TBC1D16: variants seen among roughly 807,000 people sequenced by gnomAD.
The protein encoded by TBC1D16 is TBC1 domain family member 16.
A neutral mutation model predicts 74.7 loss-of-function variants in TBC1D16; 58 were observed. The observed-to-expected ratio is 0.78, with a 90% CI of 0.63 to 0.97. The LOEUF (loss-of-function observed/expected upper bound fraction) is 0.97. Among genes scored for constraint, TBC1D16 ranks in the 50% least tolerant of loss-of-function variants. The pLI, the probability that TBC1D16 is intolerant of heterozygous loss-of-function variation, is 0.00. For missense variants in TBC1D16, 1,014 were observed against 1,079.5 expected (o/e 0.94, Z 0.85); for synonymous variants, 493 against 474.7 (o/e 1.04, Z -0.50).
In TBC1D16 at chr17:79,954,410, T is replaced by C. The variant is rs1013114686; in HGVS notation, c.780-1592A>G. On this transcript the variant is annotated intron_variant, in intron 3 of 11. Coordinates refer to ENST00000310924, the MANE Select transcript of TBC1D16 (RefSeq NM_019020.4). The surrounding 1 kb of genome is among the most constrained non-coding windows in gnomAD (Gnocchi z 5.5). ...TGGGCCTGGTGAGTGGCAGGTGGCC[T>C]TTCTTCCCCACCTGCCTAAGGAAGT... 2.0e-5 allele frequency among the ~76,000 whole-genome samples: 3 copies of C among 152,132 alleles called. No homozygotes were observed. The highest frequency in any genetic ancestry group is 7.2e-5 in the African/African-American group (3 of 41,426).
At chr17:80,024,185 GGCAGGACT>G (rs1049452805) in intron 1 of TBC1D16, among the ~76,000 whole-genome samples, 4 of 133,286 alleles carry the variant, frequency 3.0e-5, no homozygotes, top group Non-Finnish European at 3.4e-5. Flanking sequence ...CAGCCCACCA[GGCAGGACT>G]GCAGCGGGGC....
chr17:79,972,883 A>T lies in TBC1D16; in HGVS notation c.780-20065T>A, dbSNP rs186866892. ...GATCGCCTGAGCTTAGGAGTTCGGGACCAGCCTGGGTAACATGATGAAACC... is the reference window on the plus strand; with the variant it reads ...GATCGCCTGAGCTTAGGAGTTCGGGTCCAGCCTGGGTAACATGATGAAACC... On this transcript the variant is annotated intron_variant, in intron 3 of 11. Transcript: ENST00000310924. 5.3e-5 allele frequency among the ~76,000 whole-genome samples: 8 copies of T among 152,056 alleles called. No homozygotes were observed. In the East Asian group the frequency reaches 1.6e-3, roughly 30 times the overall value.
chr17:80,013,519 G>A lies in TBC1D16; in HGVS notation c.29C>T (p.Ala10Val). 1.3e-6 allele frequency: 2 copies of A among 1,555,494 alleles called. No homozygotes were observed. Among genetic ancestry groups the A allele is most frequent in the Non-Finnish European group, 1.7e-6 (2 of 1,151,828 alleles). ...CAGGAGGTCCGAGGCTTTGGAGGAG[G>A]CCCTGCGAAGGAGGCGGCCCAGAGA... MSLGRLLRR[A>V]SSKASDLLTL... The change falls in exon 2 of 12, where the codon GCC (alanine) becomes GTC (valine). Residue 10 changes from alanine (A) to valine (V), a missense_variant. By Grantham distance (64) the Ala-to-Val change is moderately conservative (BLOSUM62 0). Coordinates refer to ENST00000310924, the MANE Select transcript of TBC1D16 (RefSeq NM_019020.4).
intron 1 of TBC1D16, among the ~76,000 whole-genome samples, chr17:80,022,390 G>A (rs2036315666): frequency 6.7e-6 from 1 of 149,830 alleles, no homozygotes; most frequent in South Asian, 2.1e-4. Context: ...CTAGTGGAGT[G>A]CAGTGGTGCT....
At chr17:80,032,892 C>T (rs976522454) in intron 1 of TBC1D16, among the ~76,000 whole-genome samples, 3 of 152,108 alleles carry the variant, frequency 2.0e-5, no homozygotes, top group Non-Finnish European at 4.4e-5. Context: ...GGTCCCTCAG[C>T]CAGGGAAGAA....
Position 80,016,548 on chromosome 17 carries a change from G to C in TBC1D16, c.-62-2939C>G, listed in dbSNP as rs997453747. 6.2e-5 allele frequency among the ~76,000 whole-genome samples: 9 copies of C among 146,172 alleles called. No individual in the cohort carries two copies. The East Asian group carries it at 1.7e-3, about 27-fold the overall frequency. On this transcript the variant is annotated intron_variant, in intron 1 of 11. Transcript: ENST00000310924. ...CTCCAAAGATCCAGAGCTGGTTGAG[G>C]GTGGTCCCTAAATCAAGTCCCTTTC... is the stretch of plus-strand genomic sequence containing the variant.
chr17:79,952,977 G>C (rs1163649281), intron 3 of TBC1D16, 159 bp from the exon 4 acceptor site: 1 of 744,316 alleles, frequency 1.3e-6, no homozygotes, highest in Non-Finnish European at 2.1e-6. Flanking sequence ...GTGAATAAAT[G>C]AATGTATGAA....
At chr17:79,949,975 T>G (rs1222576035) in intron 6 of TBC1D16, 110 bp from the exon 7 acceptor site, 6 of 1,319,514 alleles carry the variant, frequency 4.5e-6, no homozygotes, top group Non-Finnish European at 6.2e-6. Context: ...TTGATTCAGA[T>G]CTCTGCAATT....
chr17:79,953,514 G>T (rs918898027), intron 3 of TBC1D16, among the ~76,000 whole-genome samples: 2 of 152,190 alleles, frequency 1.3e-5, no homozygotes, highest in Non-Finnish European at 2.9e-5. Flanking sequence ...GGCAACTGGG[G>T]CCCAGAGAGG....
At chr17:79,997,622 C>T (rs1343944024) in intron 3 of TBC1D16, among the ~76,000 whole-genome samples, 9 of 152,146 alleles carry the variant, frequency 5.9e-5, no homozygotes, top group Non-Finnish European at 1.2e-4. Context: ...CAGAGTACAG[C>T]GAGTTTCCCC....
At chr17:79,959,546 C>T (rs2033498146) in intron 3 of TBC1D16, among the ~76,000 whole-genome samples, 1 of 152,104 alleles carries the variant, frequency 6.6e-6, no homozygotes, top group South Asian at 2.1e-4. Flanking sequence ...GGCAAATAAT[C>T]AATGGAACAT....
Position 79,948,869 on chromosome 17 carries a change from T to C in TBC1D16, c.1541+3A>G. On this transcript the variant is annotated splice_donor_region_variant and intron_variant, in intron 8 of 11. Coordinates refer to ENST00000310924, the MANE Select transcript of TBC1D16 (RefSeq NM_019020.4). ...GGAAAGGAGCTGGCTGGGGAGGGAG[T>C]ACCTCATGCTCTCCACATTGGGATT... 6.2e-7 allele frequency: 1 copy of C among 1,613,654 alleles called. No individual in the cohort carries two copies. Among genetic ancestry groups the C allele is most frequent in the Non-Finnish European group, 8.5e-7 (1 of 1,179,876 alleles).
intron 1 of TBC1D16, among the ~76,000 whole-genome samples, chr17:80,019,893 T>C (rs1397805846): frequency 6.7e-6 from 1 of 149,972 alleles, no homozygotes; most frequent in Admixed American, 6.6e-5. Context: ...TAACAAACTT[T>C]AGGGTTGAAG....
At position 79,983,195 on chromosome 17, in the gene TBC1D16, G is replaced by T. The variant is rs1000388092; in HGVS notation, c.779+26965C>A. Among the ~76,000 whole-genome samples the T allele has an allele frequency of 3.9e-5, 6 of 152,230 alleles. No homozygotes were observed. The highest frequency in any genetic ancestry group is 1.4e-4 in the African/African-American group (6 of 41,462). ...TGTGCAGGCGTGAAACCCAGTGGCGGTTCAGAAGACGTGGCAGCGCGGGAG... is the reference window on the plus strand; with the variant it reads ...TGTGCAGGCGTGAAACCCAGTGGCGTTTCAGAAGACGTGGCAGCGCGGGAG... On this transcript the variant is annotated intron_variant, in intron 3 of 11. Transcript: ENST00000310924. The surrounding 1 kb of genome is among the most constrained non-coding windows in gnomAD (Gnocchi z 5.6).
At chr17:79,970,840 C>T (rs2034061711) in intron 3 of TBC1D16, among the ~76,000 whole-genome samples, 1 of 121,752 alleles carries the variant, frequency 8.2e-6, no homozygotes, top group Non-Finnish European at 1.8e-5. Context: ...GTACGAGTCC[C>T]AGTGCAAAAA....
At position 80,010,391 on chromosome 17, in the gene TBC1D16, G is replaced by T; in HGVS notation, c.548C>A (p.Pro183His). The T allele has an allele frequency of 1.9e-6, 3 of 1,612,054 alleles. No individual in the cohort carries two copies. Among genetic ancestry groups the T allele is most frequent in the Non-Finnish European group, 2.5e-6 (3 of 1,179,306 alleles). Residue 183 changes from proline (P) to histidine (H), a missense_variant, in exon 3 of 12, where the codon CCC becomes CAC. Transcript: ENST00000310924. The surrounding 1 kb of genome is among the most constrained non-coding windows in gnomAD (Gnocchi z 8.8). ...AQPASQPACS[P>H]SGILSTVSPQ... ...ACTGACCGTCGACAAGATCCCGGAG[G>T]GGCTGCAAGCAGGCTGCGAGGCTGG...
intron 1 of TBC1D16, among the ~76,000 whole-genome samples, chr17:80,031,628 A>G (rs75055400): frequency 0.056 from 8,493 of 152,250 alleles, 723 homozygotes; most frequent in African/African-American, 0.18. Flanking sequence ...GCCTCCAAGG[A>G]GAGACCATCT....
chr17:79,991,663 G>A (rs1443157435), intron 3 of TBC1D16, among the ~76,000 whole-genome samples: 2 of 149,380 alleles, frequency 1.3e-5, no homozygotes, highest in Non-Finnish European at 3.0e-5. Context: ...GTGGGGAGGC[G>A]CGCAGGCAGT....
At chr17:80,006,664 C>CTT (rs528216270) in intron 3 of TBC1D16, among the ~76,000 whole-genome samples, 10 of 147,380 alleles carry the variant, frequency 6.8e-5, no homozygotes, top group African/African-American at 2.0e-4. Flanking sequence ...TTCTTTCTTT[C>CTT]TTTTTTTTTT....
Sources: allele counts gnomAD v4.1 joint callset (sites outside exome capture counted in the v4.1 genomes callset), GRCh38; gene constraint gnomAD v4.1.1; non-coding constraint Gnocchi (gnomAD v3.1); transcripts MANE v1.5; gene names NCBI Gene and HGNC (gene_info 2026-07-23, HGNC 2026-07-21).